The following SPARCL1 variants were observed in gnomAD, a reference collection of about 807,000 sequenced individuals.
SPARCL1 encodes SPARC like 1, also known as SPARC-like protein 1.
A neutral mutation model predicts 67.1 loss-of-function variants in SPARCL1; 52 were observed. The ratio of observed to expected loss-of-function variants is 0.78; its 90% CI spans 0.62 to 0.98. The LOEUF is 0.98. SPARCL1 is among the 50% of genes least tolerant of loss of function. The pLI, the probability that SPARCL1 is intolerant of heterozygous loss-of-function variation, is 0.00. For synonymous variants in SPARCL1, 226 were observed against 267.8 expected, an observed-to-expected ratio of 0.84 and a Z score of 1.52; for missense variants, 717 against 782.4, an observed-to-expected ratio of 0.92 and a Z score of 1.00.
In SPARCL1 at chr4:87,494,450, T is replaced by C. The variant is rs1185871630; in HGVS notation, c.350A>G (p.Glu117Gly). 2 of 1,614,046 alleles carry C rather than the reference T, an allele frequency of 1.2e-6. No individual in the cohort carries two copies. Among genetic ancestry groups the C allele is most frequent in the African/African-American group, 2.7e-5 (2 of 74,942 alleles). ...LSVNLEYAPTEGTLDIKEDMS... is the reference protein window; with the variant it reads ...LSVNLEYAPTGGTLDIKEDMS... ...ATCTTCTTTTATGTCCAATGTACCT[T>C]CAGTTGGTGCATACTCCAAATTCAC... The change falls in exon 4 of 11, where the codon GAA (glutamate) becomes GGA (glycine). Residue 117 changes from glutamate to glycine, a missense_variant. Physicochemically the swap from Glu to Gly is moderately conservative, Grantham distance 98. Coordinates refer to ENST00000282470, the MANE Select transcript of SPARCL1 (RefSeq NM_004684.6).
intron 1 of SPARCL1, among the ~76,000 whole-genome samples, chr4:87,522,679 A>ACG (rs1553899657): frequency 2.6e-4 from 38 of 148,378 alleles, no homozygotes; most frequent in African/African-American, 8.6e-4. Flanking sequence ...ACACACACAC[A>ACG]CACGCACACA....
At position 87,479,539 on chromosome 4, in the gene SPARCL1, A is replaced by C; in HGVS notation, c.1857T>G (p.Ser619=). 1 of 1,614,126 alleles carries C rather than the reference A, an allele frequency of 6.2e-7. No homozygotes were observed. The highest frequency in any genetic ancestry group is 8.5e-7 in the Non-Finnish European group (1 of 1,180,016). ...TTATGCAGTGTTCCATGGGCACCAGAGATGCTCGCAGAGGAGCAAGTTCAG... is the reference window on the plus strand; with the variant it reads ...TTATGCAGTGTTCCATGGGCACCAGCGATGCTCGCAGAGGAGCAAGTTCAG... ...THSELAPLRA[S]LVPMEHCITR... The change falls in exon 10 of 11, where the codon TCT becomes TCG. Residue 619 remains serine (S), a synonymous_variant. Coordinates refer to ENST00000282470, the MANE Select transcript of SPARCL1 (RefSeq NM_004684.6).
intron 10 of SPARCL1, among the ~76,000 whole-genome samples, chr4:87,474,655 TC>T (rs1723490743): frequency 6.6e-6 from 1 of 152,030 alleles, no homozygotes; most frequent in Non-Finnish European, 1.5e-5. Flanking sequence ...ACTAGACCCT[TC>T]CATTAGCATT....
In SPARCL1 at chr4:87,494,355, T is replaced by G. The variant is rs777886876; in HGVS notation, c.445A>C (p.Thr149Pro). 16 of 1,614,218 alleles carry G rather than the reference T, an allele frequency of 9.9e-6. No individual in the cohort carries two copies. Among genetic ancestry groups the G allele is most frequent in the African/African-American group, 1.3e-5 (1 of 75,054 alleles). ...ATACTTTCTTGTTGGTTAGAATCTG[T>G]GAAGGAACTAACACCAGGAGCCAAA... ...DFLAPGVSSF[T>P]DSNQQESITK... Residue 149 changes from threonine to proline, a missense_variant, in exon 4 of 11, where the codon ACA (threonine) becomes CCA (proline). Transcript: ENST00000282470.
In SPARCL1 at chr4:87,493,882, G is replaced by T. The variant is rs1252695759; in HGVS notation, c.918C>A (p.Ser306Arg). 1 of 1,614,174 alleles carries T rather than the reference G, an allele frequency of 6.2e-7. No individual in the cohort carries two copies. The change falls in exon 4 of 11, where the codon AGC (serine) becomes AGA (arginine). Residue 306 changes from serine (S) to arginine (R), a missense_variant. Transcript: ENST00000282470. ...QEGKTGLEAISNHKETEEKTV... is the reference protein window; with the variant it reads ...QEGKTGLEAIRNHKETEEKTV... ...TCTTTTCTTCTGTCTCTTTGTGGTT[G>T]CTGATAGCTTCTAGGCCAGTTTTAC...
chr4:87,476,266 G>T lies in SPARCL1; in HGVS notation c.1967-2463C>A, dbSNP rs11947972. Among the ~76,000 whole-genome samples the T allele has an allele frequency of 7.0e-4, 106 of 152,058 alleles. No homozygotes were observed. The Middle Eastern group carries it at 0.01, about 15-fold the overall frequency. ...TCAGTCTCTCACCTGTCTGCTCTCG[G>T]CTCCCACATATTTCCTATCAAATAT... is the stretch of plus-strand genomic sequence containing the variant. On this transcript the variant is annotated intron_variant, in intron 10 of 10. Coordinates refer to ENST00000282470, the MANE Select transcript of SPARCL1 (RefSeq NM_004684.6).
intron 6 of SPARCL1, among the ~76,000 whole-genome samples, 166 bp downstream of exon 6, chr4:87,490,594 A>G (rs543571333): frequency 6.6e-6 from 1 of 152,384 alleles, no homozygotes; most frequent in Non-Finnish European, 1.5e-5. Flanking sequence ...ATTTAGCTCT[A>G]GATAAGCTCA....
chr4:87,524,679 C>A (rs1725965766), intron 1 of SPARCL1, among the ~76,000 whole-genome samples: 1 of 152,116 alleles, frequency 6.6e-6, no homozygotes, highest in Non-Finnish European at 1.5e-5. Flanking sequence ...GACTGTGCTC[C>A]CATCTCCTCA....
At chr4:87,522,250 A>G (rs1333943474) in intron 1 of SPARCL1, among the ~76,000 whole-genome samples, 2 of 152,032 alleles carry the variant, frequency 1.3e-5, no homozygotes, top group Non-Finnish European at 2.9e-5. Flanking sequence ...TGTATATGAT[A>G]TACTCAGAGT....
chr4:87,508,929 A>G lies in SPARCL1; in HGVS notation c.-11-9344T>C, dbSNP rs1725233347. ...TATAGTATACATATGTGTATATACTATGTATGTGCACCTGGAGATAGTGTC... is the reference window on the plus strand; with the variant it reads ...TATAGTATACATATGTGTATATACTGTGTATGTGCACCTGGAGATAGTGTC... On this transcript the variant is annotated intron_variant, in intron 1 of 10. Transcript: ENST00000282470. Among the ~76,000 whole-genome samples the G allele has an allele frequency of 2.1e-5, 3 of 142,068 alleles. No homozygotes were observed. In the South Asian group the frequency reaches 6.7e-4, roughly 32 times the overall value. The allele number at this position is 142,068 out of a possible 152,430, so 93.2% of individuals were successfully genotyped here. A position where few individuals can be genotyped will look rare whatever the true frequency, so the allele number is the denominator to read the frequency against.
At chr4:87,479,364 C>T in intron 10 of SPARCL1, 66 bp downstream of exon 10, 2 of 1,513,652 alleles carry the variant, frequency 1.3e-6, no homozygotes, top group South Asian at 2.5e-5. Flanking sequence ...CTCTATGAAG[C>T]ATGCAGGGCT....
intron 1 of SPARCL1, among the ~76,000 whole-genome samples, chr4:87,524,627 A>G (rs1374739138): frequency 6.6e-6 from 1 of 152,114 alleles, no homozygotes; most frequent in Non-Finnish European, 1.5e-5. Context: ...TTCCCTTGCT[A>G]TGTAAACCCC....
chr4:87,508,322 A>G (rs1725193628), intron 1 of SPARCL1, among the ~76,000 whole-genome samples: 1 of 151,492 alleles, frequency 6.6e-6, no homozygotes, highest in South Asian at 2.1e-4. Flanking sequence ...CAACCTCCCA[A>G]GTAGTTGAGG....
chr4:87,492,890 G>T (rs1194531625), intron 4 of SPARCL1, among the ~76,000 whole-genome samples: 1 of 152,174 alleles, frequency 6.6e-6, no homozygotes, highest in Non-Finnish European at 1.5e-5. Flanking sequence ...GTATGTGTTT[G>T]CTTAATAAAG....
intron 1 of SPARCL1, among the ~76,000 whole-genome samples, chr4:87,527,156 A>G (rs957401400): frequency 4.6e-5 from 7 of 152,248 alleles, no homozygotes; most frequent in African/African-American, 1.7e-4. Flanking sequence ...TCTTTTGATG[A>G]CTAAGACAAA....
At position 87,477,213 on chromosome 4, in the gene SPARCL1, A is replaced by G. The variant is rs139313953; in HGVS notation, c.1966+2217T>C. 2.8e-4 allele frequency among the ~76,000 whole-genome samples: 43 copies of G among 152,326 alleles called. No homozygotes were observed. The East Asian group carries it at 7.7e-3, about 27-fold the overall frequency. On this transcript the variant is annotated intron_variant, in intron 10 of 10. Transcript: ENST00000282470. ...AGAATGAGATGCAACTGGTTTTCTT[A>G]AGTAAAATGGCCTCTGTTTAAATTT...
chr4:87,503,517 T>C (rs1724931612), intron 1 of SPARCL1, among the ~76,000 whole-genome samples: 1 of 152,226 alleles, frequency 6.6e-6, no homozygotes, highest in South Asian at 2.1e-4. Context: ...AGTGGCAACA[T>C]ATGTATATGT....
rs199716686 is a variant in SPARCL1, at chr4:87,499,565, C to T, written c.10G>A (p.Gly4Arg). Reference sequence around the variant, plus strand: ...CCCAAGAGACATAGGAAAAAAAGCCCAGTCTTCATGCTTTCCAGATCTGTG... The same window carrying T: ...CCCAAGAGACATAGGAAAAAAAGCCTAGTCTTCATGCTTTCCAGATCTGTG... MKT[G>R]LFFLCLLGTA... The change falls in exon 2 of 11, where the codon GGG becomes AGG. Residue 4 changes from glycine (G) to arginine (R), a missense_variant. Gly to Arg is a moderately radical substitution (Grantham distance 125). Transcript: ENST00000282470. The T allele has an allele frequency of 2.5e-6, 4 of 1,590,330 alleles. No homozygotes were observed. In the Admixed American group the frequency reaches 5.8e-5, roughly 23 times the overall value.
In SPARCL1 at chr4:87,508,200, A is replaced by G. The variant is rs200031923; in HGVS notation, c.-11-8615T>C. 1.3e-4 allele frequency among the ~76,000 whole-genome samples: 20 copies of G among 149,056 alleles called. No homozygotes were observed. The East Asian group carries it at 1.7e-3, about 12-fold the overall frequency. ...GAAACCCGGTAAGGCCCATCTGTTCAGATTCTTTTTGGCCTCTTTTTTTTT... is the reference window on the plus strand; with the variant it reads ...GAAACCCGGTAAGGCCCATCTGTTCGGATTCTTTTTGGCCTCTTTTTTTTT... On this transcript the variant is annotated intron_variant, in intron 1 of 10. Coordinates refer to ENST00000282470, the MANE Select transcript of SPARCL1 (RefSeq NM_004684.6).
Sources: gnomAD v4.1 joint callset for allele counts (sites outside exome capture counted in the v4.1 genomes callset) on GRCh38, gnomAD v4.1.1 for gene constraint, MANE v1.5 for transcripts, NCBI Gene and HGNC (gene_info 2026-07-23, HGNC 2026-07-21) for gene names.